Variants in EXOC4 observed in about 807,000 individuals in gnomAD.
EXOC4 encodes exocyst complex component 4, also known as SEC8-like 1.
EXOC4 carries 71 observed loss-of-function variants against 107.2 expected under a neutral mutation model. The observed-to-expected ratio is 0.66, with a 90% CI of 0.55 to 0.81. EXOC4 has a LOEUF of 0.81. Ranked by LOEUF, EXOC4 falls within the 30% of genes least tolerant of loss-of-function variation. EXOC4 has a pLI of 0.00. For missense variants in EXOC4, 1,108 were observed against 1,189.6 expected, an observed-to-expected ratio of 0.93 and a Z score of 1.01; for synonymous variants, 456 against 441.2, an observed-to-expected ratio of 1.03 and a Z score of -0.42.
chr7:134,036,574 C>T (rs1795395094), intron 17 of EXOC4, among the ~76,000 whole-genome samples: 1 of 152,090 alleles, frequency 6.6e-6, no homozygotes, highest in Admixed American at 6.6e-5. Flanking sequence ...GGAGAGATAG[C>T]AGGACCCTGT....
chr7:134,062,263 A>T (rs1402438169), intron 17 of EXOC4, among the ~76,000 whole-genome samples: 1 of 152,170 alleles, frequency 6.6e-6, no homozygotes, highest in East Asian at 1.9e-4. Context: ...TTTTTAAAAG[A>T]GTGTGTTAGT....
At chr7:133,303,681 G>A (rs1233727609) in intron 3 of EXOC4, among the ~76,000 whole-genome samples, 1 of 152,126 alleles carries the variant, frequency 6.6e-6, no homozygotes, top group Non-Finnish European at 1.5e-5. Flanking sequence ...TTCCTCTTTT[G>A]TGGTAAGGTT....
chr7:133,826,663 G>T (rs545030570), intron 11 of EXOC4, among the ~76,000 whole-genome samples: 72 of 152,200 alleles, frequency 4.7e-4, no homozygotes, highest in South Asian at 3.7e-3. Context: ...AAATCCAACA[G>T]TGTTAACAGG....
chr7:133,824,516 G>A (rs997550000), intron 11 of EXOC4, among the ~76,000 whole-genome samples: 2 of 152,148 alleles, frequency 1.3e-5, no homozygotes. Context: ...TTTGTCAGCT[G>A]GCCATTTATT....
At chr7:133,597,360 C>T (rs1272050871) in intron 9 of EXOC4, among the ~76,000 whole-genome samples, 1 of 151,740 alleles carries the variant, frequency 6.6e-6, no homozygotes, top group African/African-American at 2.4e-5. Flanking sequence ...TCCAGACCAG[C>T]CTGAACCAAC....
intron 10 of EXOC4, among the ~76,000 whole-genome samples, chr7:133,656,159 A>G (rs965351301): frequency 1.3e-5 from 2 of 152,264 alleles, no homozygotes; most frequent in African/African-American, 4.8e-5. Flanking sequence ...GCCTCACCAC[A>G]GTATTTGTAG....
In EXOC4 at chr7:133,296,758, C is replaced by T. The variant is rs1281380620; in HGVS notation, c.471+7642C>T. 2.0e-5 allele frequency among the ~76,000 whole-genome samples: 3 copies of T among 151,980 alleles called. No homozygotes were observed. In the South Asian group the frequency reaches 6.2e-4, roughly 32 times the overall value. ...GCCTCTTTTAAAGCCAATGGAAATT[C>T]TGTTTTATTGCACTAAAGCCTACGA... On this transcript the variant is annotated intron_variant, in intron 3 of 17. Coordinates refer to ENST00000253861, the MANE Select transcript of EXOC4 (RefSeq NM_021807.4).
At chr7:133,723,790 T>C (rs1795158123) in intron 10 of EXOC4, among the ~76,000 whole-genome samples, 1 of 152,008 alleles carries the variant, frequency 6.6e-6, no homozygotes, top group Non-Finnish European at 1.5e-5. Flanking sequence ...CATGCCCAAC[T>C]TATTTATTTT....
intron 5 of EXOC4, among the ~76,000 whole-genome samples, chr7:133,347,125 G>T (rs1795800285): frequency 6.6e-6 from 1 of 151,832 alleles, no homozygotes; most frequent in South Asian, 2.1e-4. Context: ...ATATTTAACT[G>T]TATAAATAGT....
rs896318892 is a variant in EXOC4, at chr7:133,317,182, A to G, written c.657-102A>G. 5.2e-5 allele frequency: 38 copies of G among 734,338 alleles called. No individual in the cohort carries two copies. In the African/African-American group the frequency reaches 6.6e-4, roughly 13 times the overall value. The allele number at this position is 734,338 out of a possible 1,614,324, so 45.5% of individuals were successfully genotyped here. On this transcript the variant is annotated intron_variant, in intron 4 of 17. Coordinates refer to ENST00000253861, the MANE Select transcript of EXOC4 (RefSeq NM_021807.4). ...GGGGAGATCCAGTTCCAGTGTAAAG[A>G]GGGCTCATGACAAAAACAAAAGTGG...
chr7:134,007,678 C>T lies in EXOC4; in HGVS notation c.2530C>T (p.Leu844=). 6.2e-7 allele frequency: 1 copy of T among 1,612,714 alleles called. No homozygotes were observed. The highest frequency in any genetic ancestry group is 8.5e-7 in the Non-Finnish European group (1 of 1,179,270). Residue 844 remains leucine (L), a splice_region_variant and synonymous_variant, in exon 17 of 18, where the codon CTG becomes TTG. Coordinates refer to ENST00000253861, the MANE Select transcript of EXOC4 (RefSeq NM_021807.4). ...CCCGCACTGTGCTGACCCCTCAGGC[C>T]TGGGCCACCTGATCTCCTGCATCCT... is the stretch of plus-strand genomic sequence containing the variant. The part of the protein sequence containing the change: ...QHKFQYIFEG[L]GHLISCILIN...
At chr7:133,715,409 G>T (rs1482968361) in intron 10 of EXOC4, among the ~76,000 whole-genome samples, 1 of 151,972 alleles carries the variant, frequency 6.6e-6, no homozygotes, top group East Asian at 1.9e-4. Context: ...CCACAAAAAC[G>T]GATCCGGTCT....
intron 9 of EXOC4, among the ~76,000 whole-genome samples, chr7:133,485,093 A>G (rs1198235993): frequency 7.1e-6 from 1 of 141,782 alleles, no homozygotes; most frequent in Non-Finnish European, 1.5e-5. Context: ...AAATAAATAA[A>G]TAAATAAATA....
rs574997795 is a variant in EXOC4 at position 133,927,047 on chromosome 7, T to A, written c.2027+9309T>A. 5.5e-4 allele frequency among the ~76,000 whole-genome samples: 84 copies of A among 152,008 alleles called. No individual in the cohort carries two copies. In the Middle Eastern group the frequency reaches 0.017, roughly 31 times the overall value. On this transcript the variant is annotated intron_variant, in intron 13 of 17. Transcript: ENST00000253861. ...TTTCTTCTGTGGAATCCTCTTAGTA[T>A]GCTAAGAGGTCCTCGTACCATAGGT...
At chr7:133,946,970 T>A (rs1047420021) in intron 14 of EXOC4, among the ~76,000 whole-genome samples, 1 of 152,230 alleles carries the variant, frequency 6.6e-6, no homozygotes, top group Non-Finnish European at 1.5e-5. Flanking sequence ...TCATAGAGTC[T>A]TTGTCATTCT....
chr7:133,681,430 C>T (rs1415690353), intron 10 of EXOC4, among the ~76,000 whole-genome samples: 1 of 151,894 alleles, frequency 6.6e-6, no homozygotes, highest in Non-Finnish European at 1.5e-5. Context: ...TGAGAAAGGT[C>T]TGTAGTTGTG....
intron 2 of EXOC4, among the ~76,000 whole-genome samples, chr7:133,278,271 G>A (rs1794044818): frequency 6.6e-6 from 1 of 152,156 alleles, no homozygotes; most frequent in Non-Finnish European, 1.5e-5. Flanking sequence ...TAGATTTTCA[G>A]GTGTAGAAGT....
the EXOC4 span, among the ~76,000 whole-genome samples, chr7:134,076,939 A>G: frequency 1.3e-4 from 20 of 152,178 alleles, no homozygotes; most frequent in African/African-American, 4.8e-4. Flanking sequence ...TAAACCCATC[A>G]TAAGTTGAGG....
intron 10 of EXOC4, among the ~76,000 whole-genome samples, chr7:133,649,296 T>C (rs1374608412): frequency 6.6e-6 from 1 of 152,076 alleles, no homozygotes; most frequent in Non-Finnish European, 1.5e-5. Context: ...CCAGCACCAC[T>C]TTCTTTGCTC....
Sources: allele counts gnomAD v4.1 joint callset (sites outside exome capture counted in the v4.1 genomes callset), GRCh38; gene constraint gnomAD v4.1.1; transcripts MANE v1.5; gene names NCBI Gene and HGNC (gene_info 2026-07-23, HGNC 2026-07-21).